STPG1: variants seen among roughly 807,000 people sequenced by gnomAD.
STPG1 encodes the protein sperm tail PG-rich repeat containing 1.
Under a neutral mutation model 40.1 loss-of-function variants are expected in STPG1, and 33 were observed. The observed-to-expected ratio is 0.82, with a 90% CI of 0.62 to 1.10. STPG1 has a LOEUF of 1.10. Ranked by LOEUF, STPG1 falls within the 50% of genes least tolerant of loss-of-function variation. STPG1 has a pLI of 0.00. For synonymous variants in STPG1, 150 were observed against 155.0 expected, an observed-to-expected ratio of 0.97 and a Z score of 0.24; for missense variants, 396 against 415.1, an observed-to-expected ratio of 0.95 and a Z score of 0.40.
intron 1 of STPG1, among the ~76,000 whole-genome samples, chr1:24,405,842 G>A (rs1462663608): frequency 1.3e-5 from 2 of 151,788 alleles, no homozygotes; most frequent in Non-Finnish European, 1.5e-5. Flanking sequence ...TGGCCATTTT[G>A]GCTTTCTTTT....
upstream of STPG1, chr1:24,414,603 C>T (rs2148725934): frequency 7.6e-6 from 1 of 131,720 alleles, no homozygotes; most frequent in Admixed American, 8.6e-5. Flanking sequence ...GGCGCGATCT[C>T]GACTCGCTGC....
At chr1:24,374,981 T>C (rs368431634) in intron 5 of STPG1, among the ~76,000 whole-genome samples, 3 of 152,178 alleles carry the variant, frequency 2.0e-5, no homozygotes, top group East Asian at 3.8e-4. Flanking sequence ...CCATCCTCAT[T>C]CCTAGGTGCA....
chr1:24,367,992 T>C (rs751652475), intron 7 of STPG1, among the ~76,000 whole-genome samples: 76 of 152,304 alleles, frequency 5.0e-4, no homozygotes, highest in Middle Eastern at 3.4e-3. Context: ...TCTTGACCAC[T>C]CTTTCTCTGG....
intron 8 of STPG1, among the ~76,000 whole-genome samples, chr1:24,360,205 G>A (rs1317834419): frequency 6.6e-6 from 1 of 152,204 alleles, no homozygotes; most frequent in Non-Finnish European, 1.5e-5. Context: ...AGCACTCTGG[G>A]AGGCCAAGAC....
At chr1:24,392,159 G>T in intron 2 of STPG1, 1 of 794,288 alleles carries the variant, frequency 1.3e-6, no homozygotes, top group Non-Finnish European at 1.5e-6. Flanking sequence ...AGGGCACTGT[G>T]CAAGACAGGT....
chr1:24,401,259 C>G, intron 2 of STPG1, 60 bp downstream of exon 2: 1 of 1,536,054 alleles, frequency 6.5e-7, no homozygotes, highest in East Asian at 2.3e-5. Flanking sequence ...CAAATTTGCT[C>G]TTATGTACTA....
chr1:24,372,979 G>T (rs750453667), intron 6 of STPG1, among the ~76,000 whole-genome samples: 37 of 152,200 alleles, frequency 2.4e-4, no homozygotes, highest in Admixed American at 5.2e-4. Flanking sequence ...GGAAACACTT[G>T]CAGGAAAGCT....
intron 6 of STPG1, among the ~76,000 whole-genome samples, chr1:24,372,935 G>A (rs1020594903): frequency 7.9e-5 from 12 of 152,296 alleles, no homozygotes; most frequent in African/African-American, 2.4e-4. Context: ...GAGAGCACAG[G>A]AGAGGTGCAA....
In STPG1 at chr1:24,359,015, T is replaced by C. The variant is rs1208073839; in HGVS notation, c.929-396A>G. Among the ~76,000 whole-genome samples the C allele has an allele frequency of 6.6e-6, 1 of 152,160 alleles. No individual in the cohort carries two copies. On this transcript the variant is annotated intron_variant, in intron 8 of 8. Coordinates refer to ENST00000337248, the MANE Select transcript of STPG1 (RefSeq NM_001199013.2). This position sits in a 1 kb window ranked among gnomAD's most constrained non-coding sequence, Gnocchi z 5.3. ...CATGACAATTGCGGACATGGTTCTA[T>C]AGGAGATGAGCAGGGCTTGGGAACT...
At chr1:24,360,370 A>C (rs1440087183) in intron 8 of STPG1, among the ~76,000 whole-genome samples, 1 of 152,160 alleles carries the variant, frequency 6.6e-6, no homozygotes, top group Non-Finnish European at 1.5e-5. Context: ...AATTGCCTGA[A>C]CCTGGGAGGC....
At chr1:24,361,190 G>A in intron 7 of STPG1, 149 bp from the exon 8 acceptor site, 1 of 666,908 alleles carries the variant, frequency 1.5e-6, no homozygotes, top group Non-Finnish European at 2.4e-6. Context: ...TCCACTGGTA[G>A]TGAGCTGGGG....
intron 2 of STPG1, among the ~76,000 whole-genome samples, chr1:24,392,858 G>GGA (rs1553125624): frequency 4.0e-5 from 6 of 151,142 alleles, no homozygotes; most frequent in Admixed American, 2.6e-4. Context: ...AGAAATGGGG[G>GGA]AAAAAAAACA....
At chr1:24,413,154 G>A (rs1390945463) in intron 1 of STPG1, among the ~76,000 whole-genome samples, 1 of 152,236 alleles carries the variant, frequency 6.6e-6, no homozygotes, top group Non-Finnish European at 1.5e-5. Flanking sequence ...CATAGGCTGA[G>A]AAAGTGTATC....
chr1:24,410,986 C>G (rs984478748), intron 1 of STPG1, among the ~76,000 whole-genome samples: 1 of 152,190 alleles, frequency 6.6e-6, no homozygotes, highest in African/African-American at 2.4e-5. Flanking sequence ...ACTTCTGAGC[C>G]TATTTCCTCC....
At chr1:24,389,197 T>C (rs184767685) in intron 3 of STPG1, among the ~76,000 whole-genome samples, 20 of 152,264 alleles carry the variant, frequency 1.3e-4, no homozygotes, top group Non-Finnish European at 2.5e-4. Context: ...GAAGCAATCA[T>C]CTTTTAAAAC....
At chr1:24,401,128 C>T in intron 2 of STPG1, 191 bp downstream of exon 2, 1 of 473,058 alleles carries the variant, frequency 2.1e-6, no homozygotes, top group Non-Finnish European at 3.8e-6. Context: ...CTTCTTCTCT[C>T]ATCCTTTCTT....
At chr1:24,393,262 G>A (rs1177756325) in intron 2 of STPG1, among the ~76,000 whole-genome samples, 2 of 152,200 alleles carry the variant, frequency 1.3e-5, no homozygotes, top group Admixed American at 6.5e-5. Context: ...CTGGGTGGAG[G>A]ATGAAGCAAG....
upstream of STPG1, chr1:24,414,857 C>T (rs1471624489): frequency 6.6e-6 from 1 of 152,138 alleles, no homozygotes; most frequent in Non-Finnish European, 1.5e-5. Context: ...TAAACTGTCC[C>T]TGGCCCGTCC....
At chr1:24,367,249 C>T (rs933625611) in intron 7 of STPG1, among the ~76,000 whole-genome samples, 1 of 152,206 alleles carries the variant, frequency 6.6e-6, no homozygotes, top group African/African-American at 2.4e-5. Flanking sequence ...ATAGAGTCTG[C>T]TGACTGACAA....
Sources: gnomAD v4.1 joint callset for allele counts (sites outside exome capture counted in the v4.1 genomes callset) on GRCh38, gnomAD v4.1.1 for gene constraint, Gnocchi (gnomAD v3.1) non-coding constraint, MANE v1.5 for transcripts, NCBI Gene and HGNC (gene_info 2026-07-23, HGNC 2026-07-21) for gene names.